The following MCF2 variants were observed in gnomAD, a reference collection of about 807,000 sequenced individuals.
The protein encoded by MCF2 is proto-oncogene DBL.
In MCF2, 44 loss-of-function variants were observed where a neutral mutation model predicts 82.5. The observed-to-expected ratio is 0.53, with a 90% CI of 0.42 to 0.69. The LOEUF (loss-of-function observed/expected upper bound fraction) is 0.69. Among genes scored for constraint, MCF2 ranks in the 30% least tolerant of loss-of-function variants. The pLI is 0.00. For missense variants in MCF2, 623 were observed against 663.1 expected, an observed-to-expected ratio of 0.94 and a Z score of 0.66; for synonymous variants, 217 against 224.9, an observed-to-expected ratio of 0.96 and a Z score of 0.32.
intron 1 of MCF2, among the ~76,000 whole-genome samples, chrX:139,702,864 G>A (rs765890623): frequency 8.9e-6 from 1 of 112,182 alleles, no homozygotes; most frequent in African/African-American, 3.2e-5. Context: ...CAGGAATGAA[G>A]GACTTATTAC....
intron 3 of MCF2, 106 bp downstream of exon 6, chrX:139,631,288 TG>T (rs1932914557): frequency 2.5e-6 from 1 of 402,075 alleles, no homozygotes; most frequent in African/African-American, 3.5e-5. Flanking sequence ...GGGGTTTTTT[TG>T]TTTTGTTTTG....
At chrX:139,626,869 T>C in intron 4 of MCF2, 113 bp from the exon 8 acceptor site, 1 of 625,670 alleles carries the variant, frequency 1.6e-6, no homozygotes, top group Non-Finnish European at 2.4e-6. Context: ...AATTCTAGAA[T>C]GGCCTTTGCT....
At chrX:139,675,815 G>A (rs905099314) in intron 1 of MCF2, among the ~76,000 whole-genome samples, 4 of 112,316 alleles carry the variant, frequency 3.6e-5, no homozygotes, top group Admixed American at 1.9e-4. Flanking sequence ...TCTGTTCTCC[G>A]AGCTCAAACA....
intron 6 of MCF2, 28 bp from the exon 10 acceptor site, chrX:139,619,734 A>C: frequency 9.2e-7 from 1 of 1,081,618 alleles, no homozygotes; most frequent in Non-Finnish European, 1.2e-6. Context: ...AGAGGTTTTA[A>C]AAACATAAAA....
At chrX:139,594,560 T>A (rs1929863052) in intron 19 of MCF2, among the ~76,000 whole-genome samples, 1 of 111,062 alleles carries the variant, frequency 9.0e-6, no homozygotes, top group Admixed American at 9.6e-5. Flanking sequence ...CCTTACACCT[T>A]ATACAAAAAT....
At chrX:139,602,490 A>C (rs950464765) in exon 16 of MCF2, 1 of 1,173,998 alleles carries the variant, frequency 8.5e-7, no homozygotes, top group South Asian at 1.8e-5. Context: ...ACATCTGAAA[A>C]TCATCCTTCT....
exon 24 of MCF2, chrX:139,585,172 G>C (rs1159425373): frequency 2.6e-6 from 3 of 1,163,022 alleles, no homozygotes; most frequent in Non-Finnish European, 3.5e-6. Flanking sequence ...TGATGCCTCA[G>C]TCCAAACTAT....
rs937743606 is a variant in MCF2 at position 139,621,055 on chromosome X, C to T, written c.688-1349G>A. Among the ~76,000 whole-genome samples the T allele has an allele frequency of 1.5e-4, 17 of 111,374 alleles. No individual in the cohort carries two copies. In the Admixed American group the frequency reaches 1.6e-3, roughly 11 times the overall value. On this transcript the variant is annotated intron_variant, in intron 6 of 24. Coordinates refer to ENST00000370576, the Ensembl canonical transcript of MCF2. ...CAGAAATAAAGCCACGCATCTACAA[C>T]CATCAGATCTTTTACCAAATCAACG...
intron 1 of MCF2, among the ~76,000 whole-genome samples, chrX:139,707,768 A>G (rs1481977909): frequency 8.9e-6 from 1 of 111,867 alleles, no homozygotes; most frequent in African/African-American, 3.3e-5. Context: ...CCAGGTTTAC[A>G]GTGGTGAAGT....
exon 25 of MCF2, chrX:139,582,474 A>G (rs1258553209): frequency 1.2e-5 from 14 of 1,209,695 alleles, no homozygotes; most frequent in Non-Finnish European, 1.6e-5. Context: ...AGCTTCATCA[A>G]TATAGGAGAG....
intron 4 of MCF2, 67 bp downstream of exon 7, chrX:139,629,628 A>T: frequency 9.9e-7 from 1 of 1,013,233 alleles, no homozygotes; most frequent in South Asian, 2.1e-5. Context: ...TGTAAAATGG[A>T]GATAATAAAC....
At chrX:139,635,338 T>G (rs746247040) in intron 1 of MCF2, among the ~76,000 whole-genome samples, 1 of 111,209 alleles carries the variant, frequency 9.0e-6, no homozygotes, top group South Asian at 3.8e-4. Context: ...ACGTAATGTA[T>G]ATTTTATTTT....
At chrX:139,598,548 G>T in intron 16 of MCF2, 50 bp from the exon 21 acceptor site, 1 of 675,610 alleles carries the variant, frequency 1.5e-6, no homozygotes, top group Non-Finnish European at 2.2e-6. Flanking sequence ...ACATGTACCT[G>T]TGAAAATGCC....
chrX:139,665,917 A>ATATATATG (rs1201079941), intron 1 of MCF2, among the ~76,000 whole-genome samples: 7 of 83,982 alleles, frequency 8.3e-5, no homozygotes, highest in Admixed American at 1.3e-4. Flanking sequence ...ATATATATAT[A>ATATATATG]TATATATATA....
chrX:139,622,469 TG>T (rs745935620), intron 6 of MCF2, among the ~76,000 whole-genome samples: 7 of 111,684 alleles, frequency 6.3e-5, no homozygotes, highest in Admixed American at 9.5e-5. Context: ...AGCAAAGACT[TG>T]GAACCAAGCC....
intron 1 of MCF2, among the ~76,000 whole-genome samples, chrX:139,662,560 A>T (rs1934385294): frequency 9.0e-6 from 1 of 111,229 alleles, no homozygotes; most frequent in Admixed American, 9.5e-5. Context: ...TAGCCCATAT[A>T]TTGAGGGTCA....
intron 1 of MCF2, among the ~76,000 whole-genome samples, chrX:139,668,067 G>A (rs1201574623): frequency 8.9e-6 from 1 of 111,858 alleles, no homozygotes; most frequent in Non-Finnish European, 1.9e-5. Flanking sequence ...TCATGTCCCA[G>A]CTTAGTCCCA....
chrX:139,653,828 C>G (rs1014731647), intron 1 of MCF2, among the ~76,000 whole-genome samples: 1 of 110,898 alleles, frequency 9.0e-6, no homozygotes, highest in African/African-American at 3.3e-5. Flanking sequence ...TGGTAACCAC[C>G]AATCTACTCT....
At chrX:139,658,692 T>TTTTTTTTTA (rs1491573126) in intron 1 of MCF2, among the ~76,000 whole-genome samples, 2 of 97,116 alleles carry the variant, frequency 2.1e-5, no homozygotes, top group African/African-American at 8.0e-5. Flanking sequence ...TTTTTTTTTT[T>TTTTTTTTTA]GAGACAAGGT....
Sources: allele counts gnomAD v4.1 joint callset (sites outside exome capture counted in the v4.1 genomes callset), GRCh38; gene constraint gnomAD v4.1.1; transcripts MANE v1.5; gene names NCBI Gene and HGNC (gene_info 2026-07-23, HGNC 2026-07-21).